Variants in RBMS1 observed in about 807,000 individuals in gnomAD.
The protein encoded by RBMS1 is RNA-binding motif, single-stranded-interacting protein 1.
In RBMS1, 17 loss-of-function variants were observed where a neutral mutation model predicts 62.3. The observed-to-expected ratio is 0.27, with a 90% confidence interval of 0.19 to 0.41. RBMS1 has a LOEUF of 0.41. Ranked by LOEUF, RBMS1 falls within the 10% of genes least tolerant of loss-of-function variation. The probability of loss-of-function intolerance (pLI) is 1.00; values close to 1 mark genes in which losing one functional copy is unlikely to be tolerated. For missense variants in RBMS1, 334 were observed against 504.5 expected, an observed-to-expected ratio of 0.66 and a Z score of 3.24; for synonymous variants, 172 against 170.0, an observed-to-expected ratio of 1.01 and a Z score of -0.09.
At chr2:160,447,997 A>C (rs1189335502) in intron 1 of RBMS1, among the ~76,000 whole-genome samples, 1 of 152,204 alleles carries the variant, frequency 6.6e-6, no homozygotes, top group African/African-American at 2.4e-5. Flanking sequence ...TATTGTTATA[A>C]ATAGGCTAAT....
At chr2:160,298,028 GA>G (rs1689027694) in intron 6 of RBMS1, among the ~76,000 whole-genome samples, 1 of 152,202 alleles carries the variant, frequency 6.6e-6, no homozygotes, top group Non-Finnish European at 1.5e-5. Context: ...GAATACCTTA[GA>G]GAGGTAAGAA....
intron 1 of RBMS1, chr2:160,407,933 G>A (rs1695848439): frequency 5.1e-6 from 5 of 979,780 alleles, no homozygotes; most frequent in Non-Finnish European, 4.8e-6. Context: ...GCGGGGAGGC[G>A]GCAGCGCACC....
At chr2:160,284,951 CA>C in intron 8 of RBMS1, 43 bp downstream of exon 8, 1 of 1,588,184 alleles carries the variant, frequency 6.3e-7, no homozygotes, top group South Asian at 1.1e-5. Flanking sequence ...TTTCCACCTT[CA>C]CATTTTCCCT....
intron 1 of RBMS1, among the ~76,000 whole-genome samples, chr2:160,449,939 A>G (rs987967921): frequency 6.6e-6 from 1 of 151,934 alleles, no homozygotes. Flanking sequence ...AGCTCTATAC[A>G]TCTCCAACCT....
intron 2 of RBMS1, among the ~76,000 whole-genome samples, chr2:160,334,427 A>C (rs1691455508): frequency 6.6e-6 from 1 of 152,218 alleles, no homozygotes; most frequent in Non-Finnish European, 1.5e-5. Flanking sequence ...CAACCTGGCA[A>C]AGGCGGTACC....
chr2:160,381,455 C>T (rs555329971), intron 1 of RBMS1, among the ~76,000 whole-genome samples: 159 of 152,250 alleles, frequency 1.0e-3, no homozygotes, highest in African/African-American at 3.8e-3. Flanking sequence ...ATACTAATTG[C>T]TAACATTATT....
At chr2:160,420,659 G>T (rs1158614028) in intron 1 of RBMS1, among the ~76,000 whole-genome samples, 1 of 152,110 alleles carries the variant, frequency 6.6e-6, no homozygotes, top group Non-Finnish European at 1.5e-5. Flanking sequence ...CTCACCTGAG[G>T]ATTATGATAT....
intron 1 of RBMS1, among the ~76,000 whole-genome samples, chr2:160,380,778 C>G (rs1694250312): frequency 6.6e-6 from 1 of 152,142 alleles, no homozygotes; most frequent in Admixed American, 6.6e-5. Context: ...TCCACTGCGG[C>G]CAGGAAGCTG....
At chr2:160,343,176 CAA>C (rs2105996829) in intron 2 of RBMS1, among the ~76,000 whole-genome samples, 1 of 152,308 alleles carries the variant, frequency 6.6e-6, no homozygotes, top group African/African-American at 2.4e-5. Context: ...GCAGAGTTCT[CAA>C]AGATTCCTCT....
intron 1 of RBMS1, among the ~76,000 whole-genome samples, chr2:160,485,363 A>G (rs1559611143): frequency 1.3e-5 from 2 of 152,146 alleles, no homozygotes; most frequent in African/African-American, 4.8e-5. Context: ...CACCCAAAGA[A>G]AGCAAAGACG....
At chr2:160,398,800 G>T (rs1297311296) in intron 1 of RBMS1, among the ~76,000 whole-genome samples, 1 of 152,024 alleles carries the variant, frequency 6.6e-6, no homozygotes, top group Admixed American at 6.5e-5. Context: ...AATCATTTAC[G>T]ACTAGAAGCC....
intron 1 of RBMS1, among the ~76,000 whole-genome samples, chr2:160,490,307 A>T (rs74899743): frequency 2.7e-5 from 1 of 37,302 alleles, no homozygotes; most frequent in African/African-American, 8.9e-5. Flanking sequence ...ACTGAGAAAT[A>T]AAAAAAAAAA....
At chr2:160,424,743 A>G (rs1271430261) in intron 1 of RBMS1, among the ~76,000 whole-genome samples, 1 of 152,224 alleles carries the variant, frequency 6.6e-6, no homozygotes, top group Non-Finnish European at 1.5e-5. Context: ...GCAGAAATTA[A>G]GAAAGATTTT....
At position 160,273,701 on chromosome 2, in the gene RBMS1, G is replaced by A. The variant is rs933733294; in HGVS notation, c.*1071C>T. The A allele has an allele frequency of 2.2e-4, 34 of 151,342 alleles. No individual in the cohort carries two copies. Among genetic ancestry groups the A allele is most frequent in the Admixed American group, 2.2e-3 (34 of 15,204 alleles). 9.4% of individuals were successfully genotyped at this position (151,342 alleles called of 1,614,324 possible). A position where few individuals can be genotyped will look rare whatever the true frequency, so the allele number is the denominator to read the frequency against. ...ATAAAGGAAGGACAAAACATTCAGT[G>A]ACTCCCCTCCCCCACCCCCATCCCC... is the stretch of plus-strand genomic sequence containing the variant. On this transcript the variant is annotated 3_prime_UTR_variant, in exon 14 of 14. Transcript: ENST00000348849.
intron 4 of RBMS1, among the ~76,000 whole-genome samples, chr2:160,304,676 A>T (rs1461633787): frequency 6.6e-6 from 1 of 152,212 alleles, no homozygotes; most frequent in Admixed American, 6.5e-5. Context: ...AAAATAATAA[A>T]TAATAGATTT....
intron 1 of RBMS1, among the ~76,000 whole-genome samples, chr2:160,437,652 G>C (rs991694400): frequency 3.9e-5 from 6 of 152,356 alleles, no homozygotes; most frequent in African/African-American, 1.4e-4. Context: ...CCAAGGGTTT[G>C]ATGGACAATG....
chr2:160,355,339 C>A (rs944406566), intron 2 of RBMS1, among the ~76,000 whole-genome samples: 3 of 152,070 alleles, frequency 2.0e-5, no homozygotes, highest in Non-Finnish European at 4.4e-5. Flanking sequence ...TGTTTAATAG[C>A]CACACCAAAA....
At chr2:160,471,051 G>A (rs899416662) in intron 1 of RBMS1, among the ~76,000 whole-genome samples, 1 of 152,200 alleles carries the variant, frequency 6.6e-6, no homozygotes, top group Admixed American at 6.5e-5. Context: ...AAGTGGGACA[G>A]AAAAGTGACA....
chr2:160,369,865 T>C (rs988527748), intron 1 of RBMS1, among the ~76,000 whole-genome samples: 5 of 152,206 alleles, frequency 3.3e-5, no homozygotes, highest in Non-Finnish European at 7.3e-5. Context: ...CATTTGGATG[T>C]ATGACTTAGT....
Sources: allele counts gnomAD v4.1 joint callset (sites outside exome capture counted in the v4.1 genomes callset), GRCh38; gene constraint gnomAD v4.1.1; transcripts MANE v1.5; gene names NCBI Gene and HGNC (gene_info 2026-07-23, HGNC 2026-07-21).